CALCR: variants seen among roughly 807,000 people sequenced by gnomAD.
The protein encoded by CALCR is calcitonin receptor.
In CALCR, 47 loss-of-function variants were observed where a neutral mutation model predicts 59.5. That is an observed-to-expected ratio of 0.79 (90% CI 0.63 to 1.01). CALCR has a LOEUF of 1.01. Ranked by LOEUF, CALCR falls within the 50% of genes least tolerant of loss-of-function variation. CALCR has a pLI of 0.00. For synonymous variants in CALCR, 213 were observed against 211.3 expected, an observed-to-expected ratio of 1.01 and a Z score of -0.07; for missense variants, 566 against 597.1, an observed-to-expected ratio of 0.95 and a Z score of 0.54.
At chr7:93,500,432 A>C (rs577503149) in intron 2 of CALCR, among the ~76,000 whole-genome samples, 1 of 151,988 alleles carries the variant, frequency 6.6e-6, no homozygotes, top group African/African-American at 2.4e-5. Context: ...GTATTTAACA[A>C]TTGTTGCCAC....
At chr7:93,514,168 A>C (rs1473496019) in intron 2 of CALCR, among the ~76,000 whole-genome samples, 3 of 152,128 alleles carry the variant, frequency 2.0e-5, no homozygotes, top group African/African-American at 4.8e-5. Flanking sequence ...CATAGGCTGA[A>C]TATAACTCCT....
intron 2 of CALCR, among the ~76,000 whole-genome samples, chr7:93,572,789 T>TC (rs1227660468): frequency 2.6e-5 from 4 of 152,188 alleles, no homozygotes; most frequent in African/African-American, 9.6e-5. Flanking sequence ...ACTTTGAGAA[T>TC]CATGAAACAA....
At chr7:93,490,576 A>G (rs200175727) in intron 2 of CALCR, among the ~76,000 whole-genome samples, 1 of 151,896 alleles carries the variant, frequency 6.6e-6, no homozygotes, top group East Asian at 1.9e-4. Context: ...TAAAAAATCA[A>G]TGTGCAAAAA....
intron 2 of CALCR, among the ~76,000 whole-genome samples, chr7:93,550,316 C>A (rs896997796): frequency 6.6e-6 from 1 of 151,510 alleles, no homozygotes; most frequent in African/African-American, 2.4e-5. Context: ...ATGGTGAAAT[C>A]CCGTCTCTGC....
chr7:93,470,360 C>G (rs1035142549), intron 6 of CALCR, among the ~76,000 whole-genome samples: 1 of 151,508 alleles, frequency 6.6e-6, no homozygotes, highest in African/African-American at 2.4e-5. Context: ...TCAGGAGGAG[C>G]ATTTTCTAAA....
intron 8 of CALCR, among the ~76,000 whole-genome samples, chr7:93,460,572 AATATATATATATATATATATGTATATAT>A (rs1800302500): frequency 1.5e-5 from 1 of 66,542 alleles, no homozygotes; most frequent in Admixed American, 1.6e-4. Flanking sequence ...AAAAAAAAAA[AATATATATATATATATATATGTATATAT>A]ATATATATAT....
At chr7:93,460,572 A>AAAATATATATATAT (rs1554397787) in intron 8 of CALCR, among the ~76,000 whole-genome samples, 1 of 66,540 alleles carries the variant, frequency 1.5e-5, no homozygotes, top group African/African-American at 1.0e-4. Context: ...AAAAAAAAAA[A>AAAATATATATATAT]ATATATATAT....
intron 9 of CALCR, 116 bp from the exon 10 acceptor site, chr7:93,438,386 C>T (rs533705485): frequency 1.3e-6 from 1 of 753,328 alleles, no homozygotes; most frequent in East Asian, 2.6e-5. Flanking sequence ...GTGCATCTGT[C>T]AAGATGTTCC....
chr7:93,563,307 C>A (rs1789788987), intron 2 of CALCR, among the ~76,000 whole-genome samples: 1 of 152,168 alleles, frequency 6.6e-6, no homozygotes, highest in South Asian at 2.1e-4. Context: ...CATTTTTAGA[C>A]CACTCTTTTT....
intron 3 of CALCR, chr7:93,482,921 T>G (rs190765274): frequency 1.3e-4 from 65 of 518,200 alleles, no homozygotes; most frequent in African/African-American, 1.3e-3. Context: ...TGGTTCATAT[T>G]TGAGCACTGA....
chr7:93,539,528 A>G (rs1164058598), intron 2 of CALCR, among the ~76,000 whole-genome samples: 1 of 152,056 alleles, frequency 6.6e-6, no homozygotes, highest in Non-Finnish European at 1.5e-5. Context: ...TCTCCTTATG[A>G]GTCTCTGACA....
chr7:93,516,762 A>G (rs954034763), intron 2 of CALCR, among the ~76,000 whole-genome samples: 3 of 151,872 alleles, frequency 2.0e-5, no homozygotes, highest in African/African-American at 7.2e-5. Flanking sequence ...AATGATCGAT[A>G]TATTTCTTTA....
chr7:93,514,621 G>T (rs1801613194), intron 2 of CALCR, among the ~76,000 whole-genome samples: 2 of 151,840 alleles, frequency 1.3e-5, no homozygotes, highest in Admixed American at 1.3e-4. Flanking sequence ...CTTATATTCA[G>T]CATCATGTCT....
Position 93,477,636 on chromosome 7 carries a change from G to A in CALCR, c.238C>T (p.Leu80=), listed in dbSNP as rs1234982748. Residue 80 remains leucine, a synonymous_variant, in exon 5 of 14, where the codon CTG becomes TTG. Coordinates refer to ENST00000426151, the MANE Select transcript of CALCR (RefSeq NM_001742.4). ...PYCNRTWDGW[L]CWDDTPAGVL... ...CCAGCCGGTGTGTCATCCCAGCACA[G>A]CCATCCATCCCAGGTGCGATTGCAA... 1 of 1,611,274 alleles carries A rather than the reference G, an allele frequency of 6.2e-7. No homozygotes were observed. The highest frequency in any genetic ancestry group is 8.5e-7 in the Non-Finnish European group (1 of 1,178,308).
chr7:93,474,818 A>G (rs770501305), intron 5 of CALCR, among the ~76,000 whole-genome samples: 4 of 151,778 alleles, frequency 2.6e-5, no homozygotes, highest in African/African-American at 4.8e-5. Flanking sequence ...GCATTTTTCT[A>G]TGTTAACAAA....
chr7:93,509,128 C>T (rs9690761), intron 2 of CALCR, among the ~76,000 whole-genome samples: 18,131 of 151,872 alleles, frequency 0.12, 2,325 homozygotes, highest in African/African-American at 0.31. Flanking sequence ...CAGGTAAAAG[C>T]ATGGTGCCAT....
chr7:93,437,759 C>T (rs574289954), intron 11 of CALCR, among the ~76,000 whole-genome samples: 1 of 152,260 alleles, frequency 6.6e-6, no homozygotes, highest in East Asian at 1.9e-4. Context: ...AAACTTCTTG[C>T]AGCCCCTTGG....
At chr7:93,460,295 C>T (rs909761023) in intron 8 of CALCR, among the ~76,000 whole-genome samples, 1 of 151,864 alleles carries the variant, frequency 6.6e-6, no homozygotes, top group East Asian at 1.9e-4. Context: ...GTGGCTCACA[C>T]CTGTAATCCC....
rs185827770 is a variant in CALCR, at chr7:93,474,327, G to A, written c.317-1840C>T. ...GTTAGCAAACAACTAAAATGGCACT[G>A]AAATAAAATTAGAATTTGGCTGGAT... On this transcript the variant is annotated intron_variant, in intron 5 of 13. Coordinates refer to ENST00000426151, the MANE Select transcript of CALCR (RefSeq NM_001742.4). 5.5e-4 allele frequency among the ~76,000 whole-genome samples: 83 copies of A among 151,624 alleles called. No individual in the cohort carries two copies. In the East Asian group the frequency reaches 0.014, roughly 26 times the overall value.
Sources: gnomAD v4.1 joint callset for allele counts (sites outside exome capture counted in the v4.1 genomes callset) on GRCh38, gnomAD v4.1.1 for gene constraint, MANE v1.5 for transcripts, NCBI Gene and HGNC (gene_info 2026-07-23, HGNC 2026-07-21) for gene names.